ZNF492: variants seen among roughly 807,000 people sequenced by gnomAD.
ZNF492 encodes the protein zinc finger protein 115 (Y20).
ZNF492 carries 3 observed loss-of-function variants against 6.4 expected under a neutral mutation model. The observed-to-expected ratio is 0.47, with a 90% CI of 0.21 to 1.22. The LOEUF is 1.22. Among genes scored for constraint, ZNF492 ranks in the 50% most tolerant of loss-of-function variants. The probability of loss-of-function intolerance (pLI) is 0.22; values close to 1 mark genes in which losing one functional copy is unlikely to be tolerated. For synonymous variants in ZNF492, 112 were observed against 205.3 expected (o/e 0.55, Z 3.89); for missense variants, 356 against 612.5 (o/e 0.58, Z 4.42).
intron 1 of ZNF492, among the ~76,000 whole-genome samples, chr19:22,640,838 C>T (rs975995040): frequency 2.0e-5 from 3 of 151,988 alleles, no homozygotes; most frequent in African/African-American, 7.2e-5. Flanking sequence ...ATTTTTTGTT[C>T]AGTCTTGAGA....
chr19:22,661,037 C>T (rs1972053915), intron 3 of ZNF492, among the ~76,000 whole-genome samples: 1 of 151,628 alleles, frequency 6.6e-6, no homozygotes, highest in South Asian at 2.1e-4. Flanking sequence ...ATTACTTTTA[C>T]CTTGTAGCTC....
chr19:22,646,397 C>G (rs1971877544), intron 1 of ZNF492, among the ~76,000 whole-genome samples: 1 of 152,156 alleles, frequency 6.6e-6, no homozygotes, highest in African/African-American at 2.4e-5. Flanking sequence ...AGTTACTTAT[C>G]AGCTTAAGGA....
At chr19:22,650,696 C>A (rs952456310) in intron 1 of ZNF492, among the ~76,000 whole-genome samples, 2 of 152,114 alleles carry the variant, frequency 1.3e-5, no homozygotes, top group Non-Finnish European at 2.9e-5. Flanking sequence ...GGAGCTGTAG[C>A]TGCAGTCTGG....
intron 3 of ZNF492, among the ~76,000 whole-genome samples, chr19:22,655,896 C>T (rs1160514256): frequency 7.3e-6 from 1 of 137,846 alleles, no homozygotes; most frequent in Non-Finnish European, 1.5e-5. Flanking sequence ...GCGGCCTCGG[C>T]TCACTGCAAC....
intron 3 of ZNF492, among the ~76,000 whole-genome samples, chr19:22,654,794 G>T (rs1487848113): frequency 6.6e-6 from 1 of 150,480 alleles, no homozygotes; most frequent in Non-Finnish European, 1.5e-5. Context: ...TAGAGATGGG[G>T]TGTCACCATA....
Position 22,665,944 on chromosome 19 carries a change from G to A in ZNF492, c.*679G>A, listed in dbSNP as rs1363688332. On this transcript the variant is annotated 3_prime_UTR_variant, in exon 4 of 4. Transcript: ENST00000456783. The stretch of plus-strand genomic sequence containing the variant: ...TGAATCAGAGTTCTGAGTTTAGAAA[G>A]TAATCCAAAACTAAACTTGGCAGAA... 3.9e-5 allele frequency: 6 copies of A among 152,082 alleles called. No homozygotes were observed. The highest frequency in any genetic ancestry group is 7.4e-5 in the Non-Finnish European group (5 of 68,006). The allele number at this position is 152,082 out of a possible 1,614,324, so 9.4% of individuals were successfully genotyped here. A position where few individuals can be genotyped will look rare whatever the true frequency, so the allele number is the denominator to read the frequency against.
At chr19:22,638,277 A>G (rs1357379987) in intron 1 of ZNF492, among the ~76,000 whole-genome samples, 1 of 151,972 alleles carries the variant, frequency 6.6e-6, no homozygotes, top group African/African-American at 2.4e-5. Flanking sequence ...TTATTTTAAA[A>G]TTTTTGCCGG....
chr19:22,638,666 T>A (rs1971792353), intron 1 of ZNF492, among the ~76,000 whole-genome samples: 1 of 152,204 alleles, frequency 6.6e-6, no homozygotes, highest in South Asian at 2.1e-4. Flanking sequence ...AGCTTTGTTC[T>A]TTTTGCTTAT....
intron 1 of ZNF492, among the ~76,000 whole-genome samples, chr19:22,646,107 T>C (rs187559437): frequency 1.3e-5 from 2 of 152,338 alleles, no homozygotes; most frequent in East Asian, 3.9e-4. Flanking sequence ...TAAATTACTT[T>C]GGGCAGTATG....
intron 1 of ZNF492, among the ~76,000 whole-genome samples, chr19:22,650,429 C>G: frequency 6.6e-6 from 1 of 151,544 alleles, no homozygotes; most frequent in African/African-American, 2.4e-5. Context: ...TAATGAAGCA[C>G]TTTTATTGTC....
At chr19:22,634,511 A>G in intron 1 of ZNF492, 37 bp downstream of exon 1, 2 of 1,374,432 alleles carry the variant, frequency 1.5e-6, no homozygotes, top group Non-Finnish European at 2.0e-6. Context: ...AGAGAGGGGA[A>G]GGGGCTGGTT....
chr19:22,636,997 C>T (rs1305178518), intron 1 of ZNF492, among the ~76,000 whole-genome samples: 29 of 138,462 alleles, frequency 2.1e-4, no homozygotes, highest in African/African-American at 8.0e-4. Flanking sequence ...AGCTCTGTTG[C>T]CCAGGCTGAA....
chr19:22,643,300 A>G (rs982469262), intron 1 of ZNF492, among the ~76,000 whole-genome samples: 3 of 152,152 alleles, frequency 2.0e-5, no homozygotes, highest in Non-Finnish European at 4.4e-5. Flanking sequence ...AAAAAAATAA[A>G]TAAGTGCAGA....
In ZNF492 at chr19:22,665,062, A is replaced by G. The variant is rs376601687; in HGVS notation, c.1393A>G (p.Thr465Ala). ...AGCTTTTAACCAGTCCTCACACCTT[A>G]CTACACATAAGATGATTCATACTGG... is the stretch of plus-strand genomic sequence containing the variant. Reference protein sequence around the residue: ...GKAFNQSSHLTTHKMIHTGEK... With the variant: ...GKAFNQSSHLATHKMIHTGEK... The change falls in exon 4 of 4, where the codon ACT (threonine) becomes GCT (alanine). Residue 465 changes from threonine (T) to alanine (A), a missense_variant. By Grantham distance (58) the Thr-to-Ala change is moderately conservative. This residue lies in a region of ZNF492 where 81 missense variants were observed against 115.4 expected (regional missense o/e 0.70). Coordinates refer to ENST00000456783, the MANE Select transcript of ZNF492 (RefSeq NM_020855.3). 8.7e-6 allele frequency: 14 copies of G among 1,607,116 alleles called. No individual in the cohort carries two copies. Among genetic ancestry groups the G allele is most frequent in the Non-Finnish European group, 1.2e-5 (14 of 1,179,204 alleles).
At chr19:22,655,810 C>CTTTTTTTTTTTTT (rs1568355644) in intron 3 of ZNF492, among the ~76,000 whole-genome samples, 2 of 59,380 alleles carry the variant, frequency 3.4e-5, no homozygotes, top group African/African-American at 1.5e-4. Flanking sequence ...TCAAGTTTTT[C>CTTTTTTTTTTTTT]TTGTTGTTTT....
chr19:22,667,599 A>G lies in ZNF492; in HGVS notation c.*2334A>G, dbSNP rs1009276963. 2 of 151,968 alleles carry G rather than the reference A, an allele frequency of 1.3e-5. No homozygotes were observed. The highest frequency in any genetic ancestry group is 2.9e-5 in the Non-Finnish European group (2 of 67,974). 9.4% of individuals were successfully genotyped at this position (151,968 alleles called of 1,614,324 possible). On this transcript the variant is annotated 3_prime_UTR_variant, in exon 4 of 4. Coordinates refer to ENST00000456783, the MANE Select transcript of ZNF492 (RefSeq NM_020855.3). The stretch of plus-strand genomic sequence containing the variant: ...TGTTATTGACTACAGGGTTATTTTT[A>G]TAATAAAAATTATATACAAGTATAA...
At chr19:22,658,335 A>C (rs552044242) in intron 3 of ZNF492, among the ~76,000 whole-genome samples, 1 of 151,676 alleles carries the variant, frequency 6.6e-6, no homozygotes, top group Non-Finnish European at 1.5e-5. Context: ...GATTACTTGA[A>C]CCTGGAAGTT....
chr19:22,650,316 G>A (rs572523716), intron 1 of ZNF492, among the ~76,000 whole-genome samples: 9 of 152,246 alleles, frequency 5.9e-5, no homozygotes, highest in Non-Finnish European at 1.3e-4. Context: ...TGACCTTAAG[G>A]AACACCAATC....
At chr19:22,661,044 G>A (rs1372406188) in intron 3 of ZNF492, among the ~76,000 whole-genome samples, 2 of 151,564 alleles carry the variant, frequency 1.3e-5, no homozygotes, top group Non-Finnish European at 2.9e-5. Flanking sequence ...TTACCTTGTA[G>A]CTCCTAAGAC....
Sources: allele counts gnomAD v4.1 joint callset (sites outside exome capture counted in the v4.1 genomes callset), GRCh38; gene constraint gnomAD v4.1.1; regional missense constraint gnomAD v4.1.1; transcripts MANE v1.5; gene names NCBI Gene and HGNC (gene_info 2026-07-23, HGNC 2026-07-21).